Variants in CDK14 observed in about 807,000 individuals in gnomAD.
CDK14 encodes cyclin-dependent kinase 14.
In CDK14, 34 loss-of-function variants were observed where a neutral mutation model predicts 60.7. That is an observed-to-expected ratio of 0.56 (90% confidence interval 0.43 to 0.75). The LOEUF (loss-of-function observed/expected upper bound fraction) is 0.75. Ranked by LOEUF, CDK14 falls within the 30% of genes least tolerant of loss-of-function variation. The pLI is 0.00. For synonymous variants in CDK14, 197 were observed against 203.7 expected, an observed-to-expected ratio of 0.97 and a Z score of 0.28; for missense variants, 482 against 564.1, an observed-to-expected ratio of 0.85 and a Z score of 1.47.
At chr7:90,707,007 C>T (rs1024702986) in intron 2 of CDK14, among the ~76,000 whole-genome samples, 1 of 152,030 alleles carries the variant, frequency 6.6e-6, no homozygotes, top group Non-Finnish European at 1.5e-5. Context: ...TCACTGAGGG[C>T]ACTGCCCCCA....
At chr7:90,689,917 G>A (rs1801519707) in intron 2 of CDK14, among the ~76,000 whole-genome samples, 1 of 152,138 alleles carries the variant, frequency 6.6e-6, no homozygotes, top group South Asian at 2.1e-4. Context: ...TGATATAACA[G>A]GAAGGGAAAT....
intron 10 of CDK14, among the ~76,000 whole-genome samples, chr7:90,985,836 T>A (rs1019592133): frequency 6.6e-6 from 1 of 152,168 alleles, no homozygotes; most frequent in Non-Finnish European, 1.5e-5. Context: ...GTTTTGTTCT[T>A]TCAGAAACCA....
intron 10 of CDK14, among the ~76,000 whole-genome samples, chr7:90,987,115 G>C (rs1425150873): frequency 6.6e-6 from 1 of 151,878 alleles, no homozygotes; most frequent in Non-Finnish European, 1.5e-5. Context: ...TGAAATCTTT[G>C]TTTAACAGAA....
chr7:91,052,854 T>A (rs1285852491), intron 11 of CDK14, among the ~76,000 whole-genome samples: 3 of 152,180 alleles, frequency 2.0e-5, no homozygotes, highest in Non-Finnish European at 4.4e-5. Flanking sequence ...TCCCAACGAA[T>A]GAAATAATAT....
At chr7:90,911,340 C>G (rs905562271) in intron 7 of CDK14, among the ~76,000 whole-genome samples, 1 of 152,174 alleles carries the variant, frequency 6.6e-6, no homozygotes, top group African/African-American at 2.4e-5. Flanking sequence ...TAACCAACCA[C>G]TCAACCAACC....
At chr7:91,068,944 C>T (rs1036031509) in intron 11 of CDK14, among the ~76,000 whole-genome samples, 5 of 151,976 alleles carry the variant, frequency 3.3e-5, no homozygotes, top group African/African-American at 9.7e-5. Context: ...TGGCCTCCAG[C>T]ACATTCCAGC....
intron 14 of CDK14, among the ~76,000 whole-genome samples, chr7:91,123,069 C>A (rs1444570138): frequency 6.6e-6 from 1 of 152,210 alleles, no homozygotes; most frequent in Non-Finnish European, 1.5e-5. Context: ...AGTGAAAAAT[C>A]AGGCAAGTAC....
At chr7:91,147,072 C>T (rs569796904) in intron 14 of CDK14, among the ~76,000 whole-genome samples, 1 of 151,316 alleles carries the variant, frequency 6.6e-6, no homozygotes, top group East Asian at 2.0e-4. Context: ...TCATCAGCAT[C>T]GTCTGATGAT....
chr7:90,606,983 A>G (rs1420384851), intron 2 of CDK14, among the ~76,000 whole-genome samples: 1 of 152,226 alleles, frequency 6.6e-6, no homozygotes, highest in East Asian at 1.9e-4. Flanking sequence ...ACATAAGATT[A>G]CAATTTTTTT....
chr7:90,811,494 G>A (rs1789110820), intron 5 of CDK14, among the ~76,000 whole-genome samples: 1 of 152,106 alleles, frequency 6.6e-6, no homozygotes. Flanking sequence ...TTAAACGTTA[G>A]ACCTCAAACC....
chr7:90,741,101 A>G (rs1242693267), intron 3 of CDK14, among the ~76,000 whole-genome samples: 1 of 152,130 alleles, frequency 6.6e-6, no homozygotes, highest in Non-Finnish European at 1.5e-5. Flanking sequence ...TGGTTAGGAA[A>G]TGGGTTACTA....
chr7:90,842,038 A>G (rs1790312747), intron 5 of CDK14, among the ~76,000 whole-genome samples: 1 of 152,126 alleles, frequency 6.6e-6, no homozygotes, highest in South Asian at 2.1e-4. Flanking sequence ...TAACAAAGCA[A>G]CAGAGCAATA....
chr7:90,762,682 G>A (rs1804367533), intron 4 of CDK14, among the ~76,000 whole-genome samples: 1 of 152,050 alleles, frequency 6.6e-6, no homozygotes, highest in African/African-American at 2.4e-5. Context: ...CCATGTTAAC[G>A]CAAATTAAAA....
At chr7:90,699,714 C>T (rs985351076) in intron 2 of CDK14, among the ~76,000 whole-genome samples, 9 of 152,144 alleles carry the variant, frequency 5.9e-5, no homozygotes, top group African/African-American at 1.2e-4. Context: ...AAGGTGGATC[C>T]ATGCTGCATT....
chr7:90,648,262 A>G (rs1800514168), intron 2 of CDK14, among the ~76,000 whole-genome samples: 1 of 152,160 alleles, frequency 6.6e-6, no homozygotes. Flanking sequence ...GACTGTTGGC[A>G]GAAGGTTAAG....
intron 12 of CDK14, among the ~76,000 whole-genome samples, chr7:91,086,131 A>T (rs530795564): frequency 2.6e-5 from 4 of 152,208 alleles, no homozygotes; most frequent in Admixed American, 6.5e-5. Context: ...GAAACACTAC[A>T]CTAAAGAGTC....
chr7:91,048,646 T>A (rs1428459241), intron 11 of CDK14, among the ~76,000 whole-genome samples: 1 of 152,218 alleles, frequency 6.6e-6, no homozygotes, highest in Non-Finnish European at 1.5e-5. Flanking sequence ...GAATACTTCT[T>A]CCCACAGCTG....
intron 5 of CDK14, among the ~76,000 whole-genome samples, chr7:90,825,084 G>C (rs1789677427): frequency 6.6e-6 from 1 of 152,138 alleles, no homozygotes; most frequent in Non-Finnish European, 1.5e-5. Flanking sequence ...AGGATTCATG[G>C]ACAAATTAAC....
At chr7:90,974,883 C>G (rs1415342532) in intron 9 of CDK14, among the ~76,000 whole-genome samples, 1 of 152,106 alleles carries the variant, frequency 6.6e-6, no homozygotes, top group Non-Finnish European at 1.5e-5. Context: ...CATTACAAGG[C>G]ATATTAGCTG....
Sources: allele counts gnomAD v4.1 joint callset (sites outside exome capture counted in the v4.1 genomes callset), GRCh38; gene constraint gnomAD v4.1.1; transcripts MANE v1.5; gene names NCBI Gene and HGNC (gene_info 2026-07-23, HGNC 2026-07-21).